The following TNS2 variants were observed in gnomAD, a reference collection of about 807,000 sequenced individuals.
TNS2 encodes tensin 2, also known as tensin-2.
Under a neutral mutation model 155.7 loss-of-function variants are expected in TNS2, and 77 were observed. The ratio of observed to expected loss-of-function variants is 0.49; its 90% CI spans 0.41 to 0.60. The LOEUF is 0.60. Among genes scored for constraint, TNS2 ranks in the 20% least tolerant of loss-of-function variants. TNS2 has a pLI of 0.00. For synonymous variants in TNS2, 726 were observed against 763.9 expected (o/e 0.95, Z 0.82); for missense variants, 1,703 against 1,868.8 (o/e 0.91, Z 1.64).
chr12:53,049,941 C>T, upstream of TNS2: 1 of 1,011,742 alleles, frequency 9.9e-7, no homozygotes, highest in Non-Finnish European at 1.4e-6. Context: ...AGGGTAGATC[C>T]TGGGAATCTG....
At position 53,063,293 on chromosome 12, in the gene TNS2, A is replaced by C. The variant is rs370496939; in HGVS notation, c.3992+36A>C. The C allele has an allele frequency of 6.2e-7, 1 of 1,613,968 alleles. No homozygotes were observed. Among genetic ancestry groups the C allele is most frequent in the Non-Finnish European group, 8.5e-7 (1 of 1,179,948 alleles). On this transcript the variant is annotated intron_variant, in intron 26 of 28. Transcript: ENST00000314250. The surrounding 1 kb of genome is among the most constrained non-coding windows in gnomAD (Gnocchi z 5.6). ...TCAGCCCTGTAGAACCCCATGCTTA[A>C]GGCCCCTGGGGGCTCATGTTTCTGA...
At chr12:53,055,877 C>T (rs376200548) in intron 10 of TNS2, 32 bp downstream of exon 10, 1 of 1,589,552 alleles carries the variant, frequency 6.3e-7, no homozygotes, top group African/African-American at 1.3e-5. Flanking sequence ...TAGCTGCTTC[C>T]CCAGTGGCCC....
rs1325851110 is a variant in TNS2 at position 53,061,369 on chromosome 12, C to A, written c.3359-11C>A. The A allele has an allele frequency of 1.9e-6, 3 of 1,614,008 alleles. No homozygotes were observed. The highest frequency in any genetic ancestry group is 2.5e-6 in the Non-Finnish European group (3 of 1,179,944). On this transcript the variant is annotated splice_polypyrimidine_tract_variant and intron_variant, in intron 20 of 28. Coordinates refer to ENST00000314250, the MANE Select transcript of TNS2 (RefSeq NM_170754.4). The stretch of plus-strand genomic sequence containing the variant: ...ACCCTGGGGTCTGAACCTACTCCCT[C>A]CCTGTCCTAGAGCCTCCTACACAAG...
At position 53,060,620 on chromosome 12, in the gene TNS2, G is replaced by C; in HGVS notation, c.2769-55G>C. On this transcript the variant is annotated intron_variant, in intron 19 of 28. Transcript: ENST00000314250. The surrounding 1 kb of genome is among the most constrained non-coding windows in gnomAD (Gnocchi z 6.1). ...CCAAGCAGTTGATGAAGGCAGGTGG[G>C]GTGGGAGCAGCCACAATGGGGGCTC... 1 of 1,592,426 alleles carries C rather than the reference G, an allele frequency of 6.3e-7. No individual in the cohort carries two copies. Among genetic ancestry groups the C allele is most frequent in the East Asian group, 2.2e-5 (1 of 44,460 alleles).
rs780460813 is a variant in TNS2, at chr12:53,063,373, A to G, written c.4017A>G (p.Pro1339=). ...GGCTCTTCTTTCGCCGCCATTATCC[A>G]GTGAACAGCATCACCTTCTCCAGCA... ...QRKLFFRRHY[P]VNSITFSSTD... is the part of the protein sequence containing the mutation. The change falls in exon 27 of 29, where the codon CCA becomes CCG. Residue 1339 remains proline (P), a synonymous_variant. Transcript: ENST00000314250. The surrounding 1 kb of genome is among the most constrained non-coding windows in gnomAD (Gnocchi z 5.6). The G allele has an allele frequency of 1.2e-6, 2 of 1,613,716 alleles. No individual in the cohort carries two copies. The highest frequency in any genetic ancestry group is 2.7e-5 in the African/African-American group (2 of 74,806).
At chr12:53,055,456 A>G in intron 8 of TNS2, 112 bp from the exon 9 acceptor site, 2 of 1,366,766 alleles carry the variant, frequency 1.5e-6, no homozygotes, top group East Asian at 2.3e-5. Flanking sequence ...ATGGACAACC[A>G]GCAGACCCCC....
rs761257892 is a variant in TNS2, at chr12:53,059,289, G to A, written c.1648G>A (p.Val550Met). The change falls in exon 18 of 29, where the codon GTG becomes ATG. Residue 550 changes from valine to methionine, a missense_variant. Physicochemically the swap from Val to Met is conservative, Grantham distance 21. Coordinates refer to ENST00000314250, the MANE Select transcript of TNS2 (RefSeq NM_170754.4). This position sits in a 1 kb window ranked among gnomAD's most constrained non-coding sequence, Gnocchi z 4.7. The stretch of plus-strand genomic sequence containing the variant: ...GGATCGCCTCCTAGGAGGCTGCGGA[G>A]TGGCCAGTGGGGGCCGGGGAGCTGG... ...ELDRLLGGCG[V>M]ASGGRGAGRE... The A allele has an allele frequency of 6.8e-7, 1 of 1,479,766 alleles. No homozygotes were observed. The highest frequency in any genetic ancestry group is 8.9e-7 in the Non-Finnish European group (1 of 1,117,710). 91.7% of individuals were successfully genotyped at this position (1,479,766 alleles called of 1,614,324 possible).
At chr12:53,062,508 C>G in intron 24 of TNS2, 55 bp downstream of exon 24, 1 of 1,610,630 alleles carries the variant, frequency 6.2e-7, no homozygotes, top group South Asian at 1.1e-5. Flanking sequence ...GCAGCCAAAG[C>G]AGGATCCAGA....
At position 53,050,250 on chromosome 12, in the gene TNS2, C is replaced by A. The variant is rs531833156; in HGVS notation, c.65C>A (p.Ala22Asp). ...CTGGGGAGGAGGGACAGCAGCCGGG[C>A]CGCAAGCAGGGTAGGAGTGCCCACC... Reference protein sequence around the residue: ...RALGRRDSSRAASRPRKAEPH... With the variant: ...RALGRRDSSRDASRPRKAEPH... Residue 22 changes from alanine to aspartate, a missense_variant, in exon 1 of 29, where the codon GCC becomes GAC. Physicochemically the swap from Ala to Asp is moderately radical, Grantham distance 126. Coordinates refer to ENST00000314250, the MANE Select transcript of TNS2 (RefSeq NM_170754.4). This position sits in a 1 kb window ranked among gnomAD's most constrained non-coding sequence, Gnocchi z 4.7. The A allele has an allele frequency of 6.2e-7, 1 of 1,607,750 alleles. No individual in the cohort carries two copies. The highest frequency in any genetic ancestry group is 2.2e-5 in the East Asian group (1 of 44,644).
chr12:53,047,994 A>C (rs1452126000), upstream of TNS2, among the ~76,000 whole-genome samples: 2 of 152,166 alleles, frequency 1.3e-5, no homozygotes, highest in Admixed American at 6.5e-5. Flanking sequence ...TTCTCCAAAC[A>C]AACCCAAGAC....
At position 53,063,898 on chromosome 12, in the gene TNS2, T is replaced by G; in HGVS notation, c.*16T>G. 1 of 1,613,170 alleles carries G rather than the reference T, an allele frequency of 6.2e-7. No individual in the cohort carries two copies. The highest frequency in any genetic ancestry group is 8.5e-7 in the Non-Finnish European group (1 of 1,179,614). On this transcript the variant is annotated 3_prime_UTR_variant, in exon 29 of 29. Coordinates refer to ENST00000314250, the MANE Select transcript of TNS2 (RefSeq NM_170754.4). This position sits in a 1 kb window ranked among gnomAD's most constrained non-coding sequence, Gnocchi z 5.6. Reference sequence around the variant, plus strand: ...GAGAAAATGAAGGAAGGCCACAAGCTCAGAGCCCACATCAACACTGCCCCC... The same window carrying G: ...GAGAAAATGAAGGAAGGCCACAAGCGCAGAGCCCACATCAACACTGCCCCC...
chr12:53,060,691 A>G lies in TNS2; in HGVS notation c.2785A>G (p.Thr929Ala), dbSNP rs551814333. The change falls in exon 20 of 29, where the codon ACC (threonine) becomes GCC (alanine). Residue 929 changes from threonine to alanine, a missense_variant. Transcript: ENST00000314250. This position sits in a 1 kb window ranked among gnomAD's most constrained non-coding sequence, Gnocchi z 6.1. ...ACCCTACAGCACCCGGCGACAGGAC[A>G]CCAGGTCCCCCACCTCAGCGCCCAC... Reference protein sequence around the residue: ...QGKESTRRQDTRSPTSAPTQR... With the variant: ...QGKESTRRQDARSPTSAPTQR... 1.9e-6 allele frequency: 3 copies of G among 1,582,078 alleles called. No individual in the cohort carries two copies. Among genetic ancestry groups the G allele is most frequent in the African/African-American group, 2.7e-5 (2 of 74,630 alleles).
Position 53,057,077 on chromosome 12 carries a change from C to G in TNS2, c.826C>G (p.Leu276Val), listed in dbSNP as rs1592249564. 1.2e-6 allele frequency: 2 copies of G among 1,613,458 alleles called. No individual in the cohort carries two copies. Among genetic ancestry groups the G allele is most frequent in the Non-Finnish European group, 1.7e-6 (2 of 1,179,810 alleles). Residue 276 changes from leucine (L) to valine (V), a missense_variant, in exon 11 of 29, where the codon CTG (leucine) becomes GTG (valine). By Grantham distance (32) the Leu-to-Val change is conservative. Transcript: ENST00000314250. ...CTGCGAGGACAAGGTGGCCACAGAA[C>G]TGCAGCCCTCCCAGCGTCGGTGAGC... The part of the protein sequence containing the change: ...KFCEDKVATE[L>V]QPSQRRYISY...
rs1356108972 is a variant in TNS2 at position 53,055,203 on chromosome 12, G to GTTT, written c.540_541insTTT (p.Glu180_Lys181insPhe). The GTTT allele has an allele frequency of 6.2e-7, 1 of 1,613,936 alleles. No individual in the cohort carries two copies. The stretch of plus-strand genomic sequence containing the variant: ...TATTTCAGCTCTTCAACCTTTCAGA[G>GTTT]AAAAGGCATGACCTGACCCGCTTAA... On this transcript the variant is annotated inframe_insertion, in exon 8 of 29. Coordinates refer to ENST00000314250, the MANE Select transcript of TNS2 (RefSeq NM_170754.4).
At position 53,060,768 on chromosome 12, in the gene TNS2, C is replaced by T. The variant is rs118159776; in HGVS notation, c.2862C>T (p.Thr954=). The part of the protein sequence containing the change: ...EALPPVSQAG[T]GKAPELPSGS... ...TGCCCCCTGTTTCCCAGGCAGGCACCGGAAAGGCCCCTGAGCTGCCGTCGG... is the reference window on the plus strand; with the variant it reads ...TGCCCCCTGTTTCCCAGGCAGGCACTGGAAAGGCCCCTGAGCTGCCGTCGG... The change falls in exon 20 of 29, where the codon ACC becomes ACT. Residue 954 remains threonine, a synonymous_variant. Coordinates refer to ENST00000314250, the MANE Select transcript of TNS2 (RefSeq NM_170754.4). The surrounding 1 kb of genome is among the most constrained non-coding windows in gnomAD (Gnocchi z 6.1). 24,456 of 1,611,992 alleles carry T rather than the reference C, an allele frequency of 0.015. 227 individuals are homozygous for T. Among genetic ancestry groups the T allele is most frequent in the Non-Finnish European group, 0.018 (21,713 of 1,178,892 alleles).
In TNS2 at chr12:53,054,435, G is replaced by A. The variant is rs568025314; in HGVS notation, c.516G>A (p.Lys172=). The A allele has an allele frequency of 5.6e-6, 9 of 1,601,434 alleles. No individual in the cohort carries two copies. Among genetic ancestry groups the A allele is most frequent in the Non-Finnish European group, 6.8e-6 (8 of 1,176,086 alleles). ...AHVLQSKHRD[K]YLLFNLSEKR... is the part of the protein sequence containing the mutation. ...TGCTGCAATCCAAGCACCGGGACAAGTACCTGGTGAGGGGCGGGGCCATCA... is the reference window on the plus strand; with the variant it reads ...TGCTGCAATCCAAGCACCGGGACAAATACCTGGTGAGGGGCGGGGCCATCA... Residue 172 remains lysine, a synonymous_variant, in exon 7 of 29, where the codon AAG becomes AAA. Transcript: ENST00000314250.
chr12:53,047,494 G>GGCGCGGGGCGCGGA (rs1943767577), upstream of TNS2, among the ~76,000 whole-genome samples: 1 of 148,658 alleles, frequency 6.7e-6, no homozygotes, highest in Non-Finnish European at 1.5e-5. Context: ...CGGGGCGCGG[G>GGCGCGGGGCGCGGA]GCGCGGCCCA....
chr12:53,053,261 G>C lies in TNS2; in HGVS notation c.223-150G>C, dbSNP rs563539864. The C allele has an allele frequency of 1.4e-4, 116 of 848,854 alleles. No homozygotes were observed. The East Asian group carries it at 3.0e-3, about 22-fold the overall frequency. 52.6% of individuals were successfully genotyped at this position (848,854 alleles called of 1,614,324 possible). On this transcript the variant is annotated intron_variant, in intron 3 of 28. Transcript: ENST00000314250. ...GGGGGACCAAGAGGCCAGAGGGGAG[G>C]TGCCCTTAAATAGCGCAACCTCAGC... is the stretch of plus-strand genomic sequence containing the variant.
Position 53,058,702 on chromosome 12 carries a change from G to T in TNS2, c.1292-12G>T. 6.2e-7 allele frequency: 1 copy of T among 1,613,976 alleles called. No individual in the cohort carries two copies. Among genetic ancestry groups the T allele is most frequent in the Non-Finnish European group, 8.5e-7 (1 of 1,179,962 alleles). ...CTCCCCTGCTCCCCAATACCCGAGT[G>T]GCCTTCCACAGGCAGCACTCCACGG... On this transcript the variant is annotated splice_polypyrimidine_tract_variant and intron_variant, in intron 16 of 28. Transcript: ENST00000314250.
Sources: gnomAD v4.1 joint callset for allele counts (sites outside exome capture counted in the v4.1 genomes callset) on GRCh38, gnomAD v4.1.1 for gene constraint, Gnocchi (gnomAD v3.1) non-coding constraint, MANE v1.5 for transcripts, NCBI Gene and HGNC (gene_info 2026-07-23, HGNC 2026-07-21) for gene names.